Variants in HCRTR2 observed in about 807,000 individuals in gnomAD.
The protein encoded by HCRTR2 is orexin receptor type 2.
A neutral mutation model predicts 49.0 loss-of-function variants in HCRTR2; 22 were observed. The observed-to-expected ratio is 0.45, with a 90% CI of 0.32 to 0.64. HCRTR2 has a LOEUF of 0.64. HCRTR2 is among the 30% of genes least tolerant of loss of function. The pLI is 0.04. For synonymous variants in HCRTR2, 236 were observed against 205.3 expected (o/e 1.15, Z -1.28); for missense variants, 491 against 559.4 (o/e 0.88, Z 1.23).
At chr6:55,282,898 T>A (rs545741269), downstream of HCRTR2, among the ~76,000 whole-genome samples, 64 of 152,066 alleles carry the variant, frequency 4.2e-4, 1 homozygote, top group East Asian at 9.5e-3. Context: ...ATAGTTTTTT[T>A]AAAAAAAATC....
chr6:55,218,435 G>A (rs1328358144), intron 1 of HCRTR2, among the ~76,000 whole-genome samples: 1 of 152,068 alleles, frequency 6.6e-6, no homozygotes, highest in Non-Finnish European at 1.5e-5. Flanking sequence ...AGCCATAAAT[G>A]AACTAAACTC....
At chr6:55,129,350 G>A (rs534070176) in intron 1 of HCRTR2, among the ~76,000 whole-genome samples, 2 of 152,050 alleles carry the variant, frequency 1.3e-5, no homozygotes, top group Non-Finnish European at 2.9e-5. Flanking sequence ...AATGTATAAG[G>A]TAAGGGCTTA....
chr6:55,255,460 C>A, intron 3 of HCRTR2, 81 bp downstream of exon 3: 4 of 1,499,624 alleles, frequency 2.7e-6, no homozygotes, highest in Non-Finnish European at 1.9e-6. Flanking sequence ...CATTGTAAAG[C>A]TGGGCTTATA....
chr6:55,277,887 A>G (rs1416370200), intron 5 of HCRTR2, among the ~76,000 whole-genome samples: 1 of 152,164 alleles, frequency 6.6e-6, no homozygotes, highest in African/African-American at 2.4e-5. Flanking sequence ...ATGCAGACAA[A>G]GTTCTAATGC....
chr6:55,228,909 A>G (rs2127299092), intron 1 of HCRTR2, among the ~76,000 whole-genome samples: 1 of 152,314 alleles, frequency 6.6e-6, no homozygotes, highest in East Asian at 1.9e-4. Context: ...ACAACTTTTC[A>G]GCACTTTTTT....
At chr6:55,130,200 C>T (rs1764335058) in intron 1 of HCRTR2, among the ~76,000 whole-genome samples, 1 of 151,776 alleles carries the variant, frequency 6.6e-6, no homozygotes, top group African/African-American at 2.4e-5. Context: ...AATTATGGAC[C>T]TCTATATCTA....
At chr6:55,136,384 C>T (rs1764433976) in intron 1 of HCRTR2, among the ~76,000 whole-genome samples, 2 of 152,138 alleles carry the variant, frequency 1.3e-5, no homozygotes, top group African/African-American at 4.8e-5. Context: ...TGTTCACATA[C>T]ACACTCTAAC....
At position 55,127,089 on chromosome 6, in the gene HCRTR2, G is replaced by A. The variant is rs143745377; in HGVS notation, c.-378+20544G>A. Among the ~76,000 whole-genome samples the A allele has an allele frequency of 3.9e-4, 59 of 152,156 alleles. No individual in the cohort carries two copies. The East Asian group carries it at 9.9e-3, about 25-fold the overall frequency. On this transcript the variant is annotated intron_variant, in intron 1 of 7. Coordinates refer to the HCRTR2 transcript ENST00000615358. ...CAGTGGGAGTGATTGGTTCTGTCTCGCTGACATTCCAGGCGCCACTGGGGT... is the reference window on the plus strand; with the variant it reads ...CAGTGGGAGTGATTGGTTCTGTCTCACTGACATTCCAGGCGCCACTGGGGT...
intron 1 of HCRTR2, among the ~76,000 whole-genome samples, chr6:55,213,925 G>T (rs936029371): frequency 1.3e-5 from 2 of 150,938 alleles, no homozygotes; most frequent in Non-Finnish European, 2.9e-5. Context: ...TTCCTGGGGA[G>T]AGAAAGAGTC....
chr6:55,135,611 A>T (rs1164707318), intron 1 of HCRTR2, among the ~76,000 whole-genome samples: 1 of 152,156 alleles, frequency 6.6e-6, no homozygotes, highest in Non-Finnish European at 1.5e-5. Flanking sequence ...GAGACAATAG[A>T]TAAGTAAGCC....
chr6:55,240,357 CAAAAAAAA>C (rs1167981530), intron 1 of HCRTR2, among the ~76,000 whole-genome samples: 6 of 46,016 alleles, frequency 1.3e-4, no homozygotes, highest in African/African-American at 1.7e-4. Context: ...GACTCCAGCT[CAAAAAAAA>C]AAAAAAAAAA....
intron 1 of HCRTR2, among the ~76,000 whole-genome samples, chr6:55,148,701 A>G (rs1764626055): frequency 6.6e-6 from 1 of 152,102 alleles, no homozygotes; most frequent in Admixed American, 6.6e-5. Context: ...GATGCTTCCA[A>G]TTAAATCTCT....
chr6:55,206,223 G>A (rs1489713278), intron 1 of HCRTR2, among the ~76,000 whole-genome samples: 1 of 152,022 alleles, frequency 6.6e-6, no homozygotes, highest in Non-Finnish European at 1.5e-5. Flanking sequence ...TAATAAGTGT[G>A]AGTGGAGTTA....
intron 1 of HCRTR2, chr6:55,240,859 GT>G (rs772855735): frequency 1.5e-5 from 4 of 272,226 alleles, no homozygotes; most frequent in Admixed American, 4.8e-5. Flanking sequence ...ATTCAGTTGC[GT>G]TTTTTTCTTT....
At chr6:55,191,881 C>G (rs933940419) in intron 1 of HCRTR2, among the ~76,000 whole-genome samples, 5 of 152,182 alleles carry the variant, frequency 3.3e-5, no homozygotes, top group African/African-American at 9.6e-5. Context: ...GGTTACCTAT[C>G]TTTTCTTCAA....
chr6:55,194,469 A>C (rs147013409), intron 1 of HCRTR2, among the ~76,000 whole-genome samples: 1 of 152,224 alleles, frequency 6.6e-6, no homozygotes, highest in Non-Finnish European at 1.5e-5. Context: ...AATTTAGTGA[A>C]ATTTTTAAAA....
At chr6:55,235,620 A>T (rs2127302012) in intron 1 of HCRTR2, among the ~76,000 whole-genome samples, 1 of 152,232 alleles carries the variant, frequency 6.6e-6, no homozygotes, top group Admixed American at 6.5e-5. Context: ...TGTCAAATTT[A>T]GATCTATAAG....
chr6:55,213,723 G>A (rs1278037256), intron 1 of HCRTR2, among the ~76,000 whole-genome samples: 1 of 152,090 alleles, frequency 6.6e-6, no homozygotes, highest in African/African-American at 2.4e-5. Context: ...ATATTCTGAT[G>A]GGGATGGGGT....
intron 1 of HCRTR2, among the ~76,000 whole-genome samples, chr6:55,209,805 A>C (rs1765665945): frequency 6.6e-6 from 1 of 152,206 alleles, no homozygotes; most frequent in South Asian, 2.1e-4. Flanking sequence ...GTGGTTGGGA[A>C]ATGATCTGCT....
Sources: gnomAD v4.1 joint callset for allele counts (sites outside exome capture counted in the v4.1 genomes callset) on GRCh38, gnomAD v4.1.1 for gene constraint, MANE v1.5 for transcripts, NCBI Gene and HGNC (gene_info 2026-07-23, HGNC 2026-07-21) for gene names.